RTCB: variants seen among roughly 807,000 people sequenced by gnomAD.
RTCB encodes RNA 2',3'-cyclic phosphate and 5'-OH ligase.
RTCB carries 32 observed loss-of-function variants against 58.2 expected under a neutral mutation model. The ratio of observed to expected loss-of-function variants is 0.55; its 90% CI spans 0.41 to 0.74. The LOEUF (loss-of-function observed/expected upper bound fraction) is 0.74, where lower values mean the gene tolerates loss of function less well. Ranked by LOEUF, RTCB falls within the 30% of genes least tolerant of loss-of-function variation. RTCB has a pLI of 0.00. For missense variants in RTCB, 523 were observed against 639.0 expected, an observed-to-expected ratio of 0.82 and a Z score of 1.96; for synonymous variants, 247 against 218.6, an observed-to-expected ratio of 1.13 and a Z score of -1.15.
intron 3 of RTCB, 146 bp from the exon 4 acceptor site, chr22:32,406,907 A>G: frequency 3.5e-6 from 2 of 564,458 alleles, no homozygotes; most frequent in South Asian, 4.0e-5. Flanking sequence ...TTCTATATGC[A>G]TGGAAATAGT....
intron 11 of RTCB, among the ~76,000 whole-genome samples, chr22:32,389,949 C>A (rs1418089859): frequency 6.6e-6 from 1 of 152,168 alleles, no homozygotes; most frequent in Non-Finnish European, 1.5e-5. Context: ...CTTGCTGTTT[C>A]TTGAACACTC....
intron 4 of RTCB, among the ~76,000 whole-genome samples, chr22:32,406,386 G>A (rs79685451): frequency 0.088 from 13,380 of 151,934 alleles, 975 homozygotes; most frequent in East Asian, 0.45. Flanking sequence ...ACAGTGGCAC[G>A]AACTCGGCTC....
At chr22:32,402,617 T>C (rs1933356968) in intron 4 of RTCB, among the ~76,000 whole-genome samples, 1 of 148,872 alleles carries the variant, frequency 6.7e-6, no homozygotes, top group Non-Finnish European at 1.5e-5. Context: ...ACCCAGCTAA[T>C]TTCTTTTATT....
chr22:32,400,697 A>G (rs985210151), intron 5 of RTCB, among the ~76,000 whole-genome samples: 2 of 152,030 alleles, frequency 1.3e-5, no homozygotes. Flanking sequence ...TTACTTAGGT[A>G]TTTTTTTTGG....
intron 11 of RTCB, among the ~76,000 whole-genome samples, chr22:32,389,612 T>A (rs1044159875): frequency 7.0e-6 from 1 of 142,158 alleles, no homozygotes; most frequent in African/African-American, 3.1e-5. Flanking sequence ...TGTGCTCAGC[T>A]TCTTCTCTCC....
At chr22:32,399,917 T>C (rs1432308732) in intron 5 of RTCB, 158 bp from the exon 6 acceptor site, 1 of 553,506 alleles carries the variant, frequency 1.8e-6, no homozygotes, top group Non-Finnish European at 3.1e-6. Flanking sequence ...CAGTAACTGG[T>C]TTTTTGAGGA....
intron 4 of RTCB, among the ~76,000 whole-genome samples, chr22:32,403,772 T>C (rs2145896165): frequency 6.6e-6 from 1 of 152,328 alleles, no homozygotes; most frequent in African/African-American, 2.4e-5. Flanking sequence ...TACAATACAT[T>C]ATTATTAACT....
At chr22:32,396,478 C>T (rs1933248734) in intron 7 of RTCB, among the ~76,000 whole-genome samples, 1 of 152,164 alleles carries the variant, frequency 6.6e-6, no homozygotes, top group African/African-American at 2.4e-5. Flanking sequence ...CAACATTTGC[C>T]CTCTAGGAAC....
chr22:32,400,681 T>C (rs11913228), intron 5 of RTCB, among the ~76,000 whole-genome samples: 14,454 of 152,278 alleles, frequency 0.095, 891 homozygotes, highest in African/African-American at 0.17. Flanking sequence ...TCCAAGTATA[T>C]TGATTTTACT....
intron 8 of RTCB, among the ~76,000 whole-genome samples, chr22:32,395,758 G>A (rs1398219039): frequency 6.6e-6 from 1 of 151,988 alleles, no homozygotes; most frequent in Non-Finnish European, 1.5e-5. Context: ...GCAGTGGCAC[G>A]ATCTCGGCTC....
chr22:32,401,694 G>T, intron 5 of RTCB, 53 bp downstream of exon 5: 1 of 1,579,202 alleles, frequency 6.3e-7, no homozygotes, highest in East Asian at 2.2e-5. Context: ...GAAGCTGAAG[G>T]TCATGTGGTT....
At chr22:32,410,654 CCAGA>C (rs1933504022) in intron 1 of RTCB, among the ~76,000 whole-genome samples, 1 of 152,124 alleles carries the variant, frequency 6.6e-6, no homozygotes. Flanking sequence ...AGAACACCTG[CCAGA>C]CAATGACAGT....
At chr22:32,393,559 T>C (rs992634496) in intron 10 of RTCB, among the ~76,000 whole-genome samples, 11 of 152,208 alleles carry the variant, frequency 7.2e-5, no homozygotes, top group African/African-American at 2.7e-4. Flanking sequence ...GTCGCTGAGA[T>C]CAACTGTGAT....
chr22:32,406,792 T>G (rs375818769), intron 3 of RTCB, 31 bp from the exon 4 acceptor site: 19 of 1,442,564 alleles, frequency 1.3e-5, no homozygotes, highest in African/African-American at 4.2e-5. Context: ...GAAATACAAG[T>G]GTCTTGACCT....
chr22:32,389,891 C>T (rs969875241), intron 11 of RTCB, among the ~76,000 whole-genome samples: 1 of 152,154 alleles, frequency 6.6e-6, no homozygotes, highest in African/African-American at 2.4e-5. Context: ...CGCCCCCTAC[C>T]TCTCTGACCT....
At chr22:32,407,938 A>T (rs1411103976) in intron 3 of RTCB, 3 of 498,756 alleles carry the variant, frequency 6.0e-6, no homozygotes, top group Non-Finnish European at 1.1e-5. Flanking sequence ...TTTTTTTGGT[A>T]TAGACAGGGT....
intron 6 of RTCB, 42 bp from the exon 7 acceptor site, chr22:32,398,142 GT>G (rs746755667): frequency 7.4e-4 from 1,017 of 1,376,610 alleles, no homozygotes; most frequent in Admixed American, 9.7e-4. Context: ...TTTTATTCCA[GT>G]TTTTTTTTTA....
At chr22:32,394,651 G>A (rs1309338763) in intron 9 of RTCB, among the ~76,000 whole-genome samples, 1 of 152,138 alleles carries the variant, frequency 6.6e-6, no homozygotes, top group African/African-American at 2.4e-5. Flanking sequence ...TGTAAAAGGA[G>A]CAAGCAGACT....
chr22:32,406,726 A>G lies in RTCB; in HGVS notation c.276T>C (p.Tyr92=). 1.2e-6 allele frequency: 2 copies of G among 1,612,764 alleles called. No individual in the cohort carries two copies. The highest frequency in any genetic ancestry group is 1.7e-6 in the Non-Finnish European group (2 of 1,178,926). Residue 92 remains tyrosine, a synonymous_variant, in exon 4 of 12, where the codon TAT becomes TAC. Transcript: ENST00000216038. The part of the protein sequence containing the change: ...SIGLPDVHSG[Y]GFAIGNMAAF... The stretch of plus-strand genomic sequence containing the variant: ...CTGCCATGTTCCCAATAGCAAACCC[A>G]TATCCTGAATGGACATCAGGAAGCC...
Sources: gnomAD v4.1 joint callset for allele counts (sites outside exome capture counted in the v4.1 genomes callset) on GRCh38, gnomAD v4.1.1 for gene constraint, MANE v1.5 for transcripts, NCBI Gene and HGNC (gene_info 2026-07-23, HGNC 2026-07-21) for gene names.